SCN8A: variants seen among roughly 807,000 people sequenced by gnomAD.
The protein encoded by SCN8A is sodium channel protein type 8 subunit alpha.
Under a neutral mutation model 184.1 loss-of-function variants are expected in SCN8A, and 30 were observed. The observed-to-expected ratio is 0.16, with a 90% CI of 0.12 to 0.22. The LOEUF (loss-of-function observed/expected upper bound fraction) is 0.22, where lower values mean the gene tolerates loss of function less well. Among genes scored for constraint, SCN8A ranks in the 10% least tolerant of loss-of-function variants. The pLI is 1.00. For synonymous variants in SCN8A, 852 were observed against 907.0 expected, an observed-to-expected ratio of 0.94 and a Z score of 1.09; for missense variants, 1,057 against 2,498.9, an observed-to-expected ratio of 0.42 and a Z score of 12.30.
intron 1 of SCN8A, among the ~76,000 whole-genome samples, chr12:51,625,108 A>T (rs547038156): frequency 6.6e-6 from 1 of 152,352 alleles, no homozygotes; most frequent in African/African-American, 2.4e-5. Context: ...ACAAATGCAT[A>T]GAGTAACGTA....
chr12:51,627,978 G>A (rs896980463), intron 1 of SCN8A, among the ~76,000 whole-genome samples: 1 of 152,178 alleles, frequency 6.6e-6, no homozygotes, highest in Non-Finnish European at 1.5e-5. Context: ...AACCTTTGGA[G>A]ACTAATGCTA....
intron 12 of SCN8A, among the ~76,000 whole-genome samples, chr12:51,736,685 GC>G (rs1210689571): frequency 6.6e-6 from 1 of 152,224 alleles, no homozygotes; most frequent in East Asian, 1.9e-4. Flanking sequence ...TAAAAAGGGT[GC>G]ATTCTACTCC....
intron 3 of SCN8A, among the ~76,000 whole-genome samples, chr12:51,685,854 T>C (rs1030689692): frequency 6.6e-6 from 1 of 152,076 alleles, no homozygotes; most frequent in Non-Finnish European, 1.5e-5. Flanking sequence ...CTGGATGACA[T>C]AGAGAGACCT....
chr12:51,744,352 A>G (rs1331806882), intron 12 of SCN8A, among the ~76,000 whole-genome samples: 2 of 152,176 alleles, frequency 1.3e-5, no homozygotes, highest in Non-Finnish European at 2.9e-5. Flanking sequence ...TTCTGCAGCT[A>G]TGCTGGCACT....
Position 51,806,665 on chromosome 12 carries a change from C to A in SCN8A, c.5179C>A (p.His1727Asn). The change falls in exon 27 of 27, where the codon CAC (histidine) becomes AAC (asparagine). Residue 1727 changes from histidine (H) to asparagine (N), a missense_variant. His to Asn is a moderately conservative substitution (Grantham distance 68). Transcript: ENST00000627620. This position sits in a 1 kb window ranked among gnomAD's most constrained non-coding sequence, Gnocchi z 8.7. ...RPPDCSLDKEHPGSGFKGDCG... is the reference protein window; with the variant it reads ...RPPDCSLDKENPGSGFKGDCG... ...CCCTGACTGCAGCCTAGATAAGGAA[C>A]ACCCAGGGAGTGGCTTTAAGGGAGA... The A allele has an allele frequency of 6.2e-7, 1 of 1,614,184 alleles. No individual in the cohort carries two copies. The highest frequency in any genetic ancestry group is 8.5e-7 in the Non-Finnish European group (1 of 1,180,018).
chr12:51,770,530 T>C lies in SCN8A; in HGVS notation c.3492T>C (p.Gly1164=), dbSNP rs1356758420. Residue 1164 remains glycine, a splice_region_variant and synonymous_variant, in exon 19 of 27, where the codon GGT becomes GGC. Coordinates refer to ENST00000627620, the MANE Select transcript of SCN8A (RefSeq NM_001330260.2). The part of the protein sequence containing the change: ...YLDPDACFTE[G]CVQRFKCCQV... Reference sequence around the variant, plus strand: ...ACCCGCCTCTCCCGCTGGTGCCAGGTTGTGTCCAGCGGTTCAAGTGCTGCC... The same window carrying C: ...ACCCGCCTCTCCCGCTGGTGCCAGGCTGTGTCCAGCGGTTCAAGTGCTGCC... 1.3e-6 allele frequency: 2 copies of C among 1,597,572 alleles called. No homozygotes were observed. The highest frequency in any genetic ancestry group is 1.7e-5 in the Admixed American group (1 of 57,714).
intron 11 of SCN8A, among the ~76,000 whole-genome samples, chr12:51,717,710 A>G (rs1941989105): frequency 6.6e-6 from 1 of 152,180 alleles, no homozygotes; most frequent in South Asian, 2.1e-4. Context: ...GACAACATCT[A>G]CTCATAAATG....
intron 26 of SCN8A, 129 bp downstream of exon 26, chr12:51,794,770 A>G (rs1285995106): frequency 4.5e-6 from 4 of 882,722 alleles, no homozygotes; most frequent in East Asian, 2.7e-5. Context: ...GCTTAAGTCC[A>G]TGTGTGCCCC....
At chr12:51,734,876 TATCCATTTTA>T (rs1393684651) in intron 12 of SCN8A, among the ~76,000 whole-genome samples, 1 of 152,260 alleles carries the variant, frequency 6.6e-6, no homozygotes, top group Non-Finnish European at 1.5e-5. Context: ...CAAGTGTTTT[TATCCATTTTA>T]ATGGATTACT....
intron 12 of SCN8A, among the ~76,000 whole-genome samples, chr12:51,731,605 C>A (rs1449264694): frequency 6.6e-6 from 1 of 152,142 alleles, no homozygotes; most frequent in Admixed American, 6.6e-5. Context: ...GATTCCGGAT[C>A]GTAAGGTAGC....
intron 1 of SCN8A, among the ~76,000 whole-genome samples, chr12:51,601,753 CAGTGGTG>C (rs987018373): frequency 6.6e-6 from 1 of 151,970 alleles, no homozygotes; most frequent in Non-Finnish European, 1.5e-5. Flanking sequence ...TTGCTGGTTC[CAGTGGTG>C]AGGCTCAGCA....
At chr12:51,731,745 T>C (rs1942246467) in intron 12 of SCN8A, among the ~76,000 whole-genome samples, 1 of 152,208 alleles carries the variant, frequency 6.6e-6, no homozygotes, top group African/African-American at 2.4e-5. Flanking sequence ...ATTGCCTATC[T>C]TTTGGTTAAA....
chr12:51,754,059 G>T (rs1399016412), intron 14 of SCN8A, among the ~76,000 whole-genome samples: 1 of 152,102 alleles, frequency 6.6e-6, no homozygotes, highest in East Asian at 1.9e-4. Context: ...GAAGATCCCT[G>T]CCTCTTCTAC....
chr12:51,657,260 G>C (rs959356861), intron 1 of SCN8A, among the ~76,000 whole-genome samples: 1 of 151,866 alleles, frequency 6.6e-6, no homozygotes, highest in African/African-American at 2.4e-5. Flanking sequence ...ATCAAATTAG[G>C]GTAATTGGCA....
intron 6 of SCN8A, among the ~76,000 whole-genome samples, chr12:51,698,207 C>A (rs10783469): frequency 0.84 from 128,551 of 152,136 alleles, 55,077 homozygotes; most frequent in East Asian, 0.97. Flanking sequence ...CAGCCCTATG[C>A]TACTCAACTA....
chr12:51,667,921 C>T (rs536490751), intron 2 of SCN8A, among the ~76,000 whole-genome samples: 61 of 152,236 alleles, frequency 4.0e-4, no homozygotes, highest in African/African-American at 1.4e-3. Context: ...TGGTGGTTCA[C>T]GCCTGTAATC....
intron 1 of SCN8A, among the ~76,000 whole-genome samples, chr12:51,625,250 C>T (rs1030395641): frequency 6.6e-6 from 1 of 152,138 alleles, no homozygotes; most frequent in African/African-American, 2.4e-5. Flanking sequence ...GTAGTTTTGC[C>T]TTTTCCAAAA....
At chr12:51,697,941 G>A (rs1239278586) in intron 6 of SCN8A, among the ~76,000 whole-genome samples, 1 of 152,032 alleles carries the variant, frequency 6.6e-6, no homozygotes, top group African/African-American at 2.4e-5. Context: ...CTCCACCCCC[G>A]CACCGGGTTC....
At position 51,692,150 on chromosome 12, in the gene SCN8A, G is replaced by A. The variant is rs144281625; in HGVS notation, c.706+3054G>A. Among the ~76,000 whole-genome samples the A allele has an allele frequency of 8.6e-3, 1,307 of 152,280 alleles. 28 individuals are homozygous for A. Among genetic ancestry groups the A allele is most frequent in the African/African-American group, 0.03 (1,240 of 41,534 alleles). On this transcript the variant is annotated intron_variant, in intron 6 of 26. Transcript: ENST00000627620. ...CTTCCCAGTTTGGTTATAGACTACTGCCAAGGGTGCCAAAAATAGAATGTA... is the reference window on the plus strand; with the variant it reads ...CTTCCCAGTTTGGTTATAGACTACTACCAAGGGTGCCAAAAATAGAATGTA...
Sources: allele counts gnomAD v4.1 joint callset (sites outside exome capture counted in the v4.1 genomes callset), GRCh38; gene constraint gnomAD v4.1.1; non-coding constraint Gnocchi (gnomAD v3.1); transcripts MANE v1.5; gene names NCBI Gene and HGNC (gene_info 2026-07-23, HGNC 2026-07-21).